FES: variants seen among roughly 807,000 people sequenced by gnomAD.
FES encodes tyrosine-protein kinase Fes/Fps.
A neutral mutation model predicts 109.6 loss-of-function variants in FES; 83 were observed. The observed-to-expected ratio is 0.76, with a 90% CI of 0.63 to 0.91. The LOEUF (loss-of-function observed/expected upper bound fraction) is 0.91. Among genes scored for constraint, FES ranks in the 40% least tolerant of loss-of-function variants. The pLI is 0.00. For missense variants in FES, 943 were observed against 1,070.9 expected, an observed-to-expected ratio of 0.88 and a Z score of 1.67; for synonymous variants, 458 against 442.1, an observed-to-expected ratio of 1.04 and a Z score of -0.45.
At chr15:90,890,578 A>G in intron 10 of FES, 94 bp downstream of exon 10, 1 of 1,156,528 alleles carries the variant, frequency 8.6e-7, no homozygotes, top group East Asian at 2.5e-5. Context: ...GGCTGCTTGT[A>G]TTGGGAAGTT....
At position 90,889,611 on chromosome 15, in the gene FES, C is replaced by T. The variant is rs2033000213; in HGVS notation, c.901C>T (p.Leu301=). 1 of 1,613,510 alleles carries T rather than the reference C, an allele frequency of 6.2e-7. No individual in the cohort carries two copies. The change falls in exon 7 of 19, where the codon CTG becomes TTG. Residue 301 remains leucine, a synonymous_variant. Transcript: ENST00000328850. The surrounding 1 kb of genome is among the most constrained non-coding windows in gnomAD (Gnocchi z 6.1). ...GCCTGGGGAGCTCCAGCTGAACGAG[C>T]TGACTGTGGAGAGCGTGCAGCACAC... ...LEPGELQLNE[L]TVESVQHTLT...
chr15:90,887,013 G>T lies in FES; in HGVS notation c.440G>T (p.Arg147Leu), dbSNP rs905647604. Residue 147 changes from arginine (R) to leucine (L), a missense_variant, in exon 4 of 19, where the codon CGG becomes CTG. By Grantham distance (102) the Arg-to-Leu change is moderately radical (BLOSUM62 -2). Transcript: ENST00000328850. ...KLKSQYRALA[R>L]DSAQAKRKYQ... ...AAGAGCCAGTACCGAGCTCTGGCAC[G>T]GGACAGTGCCCAAGCCAAGCGCAAG... is the stretch of plus-strand genomic sequence containing the variant. 1.9e-6 allele frequency: 3 copies of T among 1,614,142 alleles called. No homozygotes were observed. Among genetic ancestry groups the T allele is most frequent in the Non-Finnish European group, 2.5e-6 (3 of 1,180,036 alleles).
In FES at chr15:90,892,074, A is replaced by C; in HGVS notation, c.1670A>C (p.Asn557Thr). The C allele has an allele frequency of 6.2e-7, 1 of 1,614,112 alleles. No homozygotes were observed. Among genetic ancestry groups the C allele is most frequent in the Non-Finnish European group, 8.5e-7 (1 of 1,179,980 alleles). The part of the protein sequence containing the change: ...RAVPKDKWVL[N>T]HEDLVLGEQI... Reference sequence around the variant, plus strand: ...CTTCCCCAGGACAAGTGGGTGCTGAACCATGAGGACCTGGTGTTGGGTGAG... The same window carrying C: ...CTTCCCCAGGACAAGTGGGTGCTGACCCATGAGGACCTGGTGTTGGGTGAG... Residue 557 changes from asparagine (N) to threonine (T), a missense_variant, in exon 13 of 19, where the codon AAC (asparagine) becomes ACC (threonine). Transcript: ENST00000328850.
intron 8 of FES, 47 bp downstream of exon 8, chr15:90,890,009 C>A: frequency 3.8e-6 from 6 of 1,598,136 alleles, no homozygotes; most frequent in Non-Finnish European, 5.1e-6. Flanking sequence ...TCCCTCCCTC[C>A]TACCTACCCT....
At chr15:90,886,598 T>G (rs913727482) in intron 3 of FES, among the ~76,000 whole-genome samples, 9 of 152,170 alleles carry the variant, frequency 5.9e-5, no homozygotes, top group African/African-American at 2.2e-4. Flanking sequence ...TGTTAAAAGA[T>G]TGCTAGGAAT....
Position 90,890,297 on chromosome 15 carries a change from G to C in FES, c.1236+19G>C. On this transcript the variant is annotated intron_variant, in intron 9 of 18. Coordinates refer to ENST00000328850, the MANE Select transcript of FES (RefSeq NM_002005.4). ...GTCCTCGGTGAGCTGCCCCATCCGC[G>C]GCCGCTGCCCGCCACCGGCCTGCCC... The C allele has an allele frequency of 8.8e-6, 14 of 1,587,014 alleles. No individual in the cohort carries two copies. Among genetic ancestry groups the C allele is most frequent in the Non-Finnish European group, 1.2e-5 (14 of 1,168,452 alleles).
chr15:90,891,630 C>A lies in FES; in HGVS notation c.1607C>A (p.Pro536His). Reference protein sequence around the residue: ...LIDHLLSTQQPLTKKSGVVLH... With the variant: ...LIDHLLSTQQHLTKKSGVVLH... ...GACCACCTACTGAGCACCCAGCAGC[C>A]CCTCACCAAGAAGAGTGGTGTTGTC... The change falls in exon 12 of 19, where the codon CCC becomes CAC. Residue 536 changes from proline (P) to histidine (H), a missense_variant. Pro to His is a moderately conservative substitution (Grantham distance 77). Coordinates refer to ENST00000328850, the MANE Select transcript of FES (RefSeq NM_002005.4). 6.2e-7 allele frequency: 1 copy of A among 1,614,038 alleles called. No homozygotes were observed. The highest frequency in any genetic ancestry group is 8.5e-7 in the Non-Finnish European group (1 of 1,180,014).
rs761947938 is a variant in FES at position 90,890,091 on chromosome 15, G to A, written c.1050-1G>A. 1.3e-6 allele frequency: 2 copies of A among 1,511,590 alleles called. No homozygotes were observed. Among genetic ancestry groups the A allele is most frequent in the African/African-American group, 1.4e-5 (1 of 72,582 alleles). 93.6% of individuals were successfully genotyped at this position (1,511,590 alleles called of 1,614,324 possible). ...ACCCTCCCACCCGCCCCTGCCTGCAGGGTGCAGCTGCTGGGCAAGAGGCAA... is the reference window on the plus strand; with the variant it reads ...ACCCTCCCACCCGCCCCTGCCTGCAAGGTGCAGCTGCTGGGCAAGAGGCAA... On this transcript the variant is annotated splice_acceptor_variant, in intron 8 of 18. Coordinates refer to ENST00000328850, the MANE Select transcript of FES (RefSeq NM_002005.4). LOFTEE classifies it high-confidence loss of function.
rs762213064 is a variant in FES at position 90,891,564 on chromosome 15, G to A, written c.1541G>A (p.Arg514Gln). The stretch of plus-strand genomic sequence containing the variant: ...TCCCCTGCCCTGCAGAACCTGTACC[G>A]ACTGGAAGGGGAAGGCTTTCCTAGC... ...FIIQSLDNLY[R>Q]LEGEGFPSIP... is the part of the protein sequence containing the mutation. The change falls in exon 12 of 19, where the codon CGA becomes CAA. Residue 514 changes from arginine (R) to glutamine (Q), a missense_variant. Physicochemically the swap from Arg to Gln is conservative, Grantham distance 43. Transcript: ENST00000328850. 3.1e-6 allele frequency: 5 copies of A among 1,613,724 alleles called. 1 individual carries two copies. In the South Asian group the frequency reaches 3.3e-5, roughly 11 times the overall value.
intron 18 of FES, among the ~76,000 whole-genome samples, chr15:90,894,922 C>T (rs1366057762): frequency 6.6e-6 from 1 of 151,986 alleles, no homozygotes; most frequent in African/African-American, 2.4e-5. Flanking sequence ...AAAAAATTAG[C>T]GAGGTGTAGT....
chr15:90,895,310 A>G (rs1488826288), intron 18 of FES, 106 bp from the exon 19 acceptor site: 3 of 1,006,020 alleles, frequency 3.0e-6, no homozygotes, highest in African/African-American at 3.3e-5. Context: ...CATCCTTCAG[A>G]ACAGTGCATC....
Position 90,890,298 on chromosome 15 carries a change from G to C in FES, c.1236+20G>C, listed in dbSNP as rs1015118061. The C allele has an allele frequency of 6.3e-7, 1 of 1,586,236 alleles. No individual in the cohort carries two copies. The highest frequency in any genetic ancestry group is 1.3e-5 in the African/African-American group (1 of 74,620). ...TCCTCGGTGAGCTGCCCCATCCGCG[G>C]CCGCTGCCCGCCACCGGCCTGCCCA... On this transcript the variant is annotated intron_variant, in intron 9 of 18. Coordinates refer to ENST00000328850, the MANE Select transcript of FES (RefSeq NM_002005.4).
At position 90,890,228 on chromosome 15, in the gene FES, C is replaced by T. The variant is rs2033074920; in HGVS notation, c.1186C>T (p.Pro396Ser). Residue 396 changes from proline (P) to serine (S), a missense_variant, in exon 9 of 19, where the codon CCC (proline) becomes TCC (serine). By Grantham distance (74) the Pro-to-Ser change is moderately conservative. Transcript: ENST00000328850. The part of the protein sequence containing the change: ...TKLEHLGPGE[P>S]PPVLLLQDDR... ...GCTGGAGCACCTGGGCCCCGGCGAGCCCCCGCCTGTGCTGCTCCTGCAGGA... is the reference window on the plus strand; with the variant it reads ...GCTGGAGCACCTGGGCCCCGGCGAGTCCCCGCCTGTGCTGCTCCTGCAGGA... The T allele has an allele frequency of 1.2e-6, 2 of 1,600,168 alleles. No homozygotes were observed. Among genetic ancestry groups the T allele is most frequent in the East Asian group, 2.2e-5 (1 of 44,814 alleles).
At position 90,891,181 on chromosome 15, in the gene FES, AGTCCTTG is replaced by A; in HGVS notation, c.1522_1528del (p.Ser508IlefsTer22). 6.4e-7 allele frequency: 1 copy of A among 1,556,422 alleles called. No homozygotes were observed. Among genetic ancestry groups the A allele is most frequent in the Non-Finnish European group, 8.7e-7 (1 of 1,150,468 alleles). On this transcript the variant is annotated frameshift_variant, in exon 11 of 19. Transcript: ENST00000328850. LOFTEE classifies it high-confidence loss of function. ...GGTCTGCCCCGGCACTTCATCATCC[AGTCCTTG>A]GATGTGAGTGGGGCTGGGACCCGAG...
Position 90,889,814 on chromosome 15 carries a change from T to C in FES, c.927-26T>C. On this transcript the variant is annotated intron_variant, in intron 7 of 18. Coordinates refer to ENST00000328850, the MANE Select transcript of FES (RefSeq NM_002005.4). The surrounding 1 kb of genome is among the most constrained non-coding windows in gnomAD (Gnocchi z 6.1). ...TTGAGGGGGCAGGAGGGCTCGGTTC[T>C]AATGCTGCCCTTCTCTTGGGTGCAG... 1 of 1,613,362 alleles carries C rather than the reference T, an allele frequency of 6.2e-7. No individual in the cohort carries two copies. Among genetic ancestry groups the C allele is most frequent in the Non-Finnish European group, 8.5e-7 (1 of 1,179,782 alleles).
chr15:90,888,738 A>T (rs1271274770), intron 5 of FES, among the ~76,000 whole-genome samples: 1 of 149,162 alleles, frequency 6.7e-6, no homozygotes, highest in Non-Finnish European at 1.5e-5. Flanking sequence ...GGAGACAAGG[A>T]TAGCAGTTCA....
chr15:90,892,175 C>T, intron 13 of FES, 64 bp downstream of exon 13: 1 of 1,589,432 alleles, frequency 6.3e-7, no homozygotes, highest in African/African-American at 1.3e-5. Context: ...CCTGGGCCCC[C>T]TGCCCTACCA....
intron 14 of FES, 72 bp from the exon 15 acceptor site, chr15:90,893,028 C>A (rs2033375356): frequency 3.3e-6 from 5 of 1,534,446 alleles, no homozygotes; most frequent in Non-Finnish European, 4.4e-6. Context: ...CCAAGCTCTT[C>A]TCCCATCATC....
Position 90,890,997 on chromosome 15 carries a change from C to A in FES, c.1336C>A (p.Gln446Lys). The A allele has an allele frequency of 6.3e-7, 1 of 1,588,460 alleles. No individual in the cohort carries two copies. The change falls in exon 11 of 19, where the codon CAG becomes AAG. Residue 446 changes from glutamine to lysine, a missense_variant. By Grantham distance (53) the Gln-to-Lys change is moderately conservative (BLOSUM62 1). Transcript: ENST00000328850. Reference protein sequence around the residue: ...RPKFSLPPPLQLIPEVQKPLH... With the variant: ...RPKFSLPPPLKLIPEVQKPLH... ...CCTTGCCCAGCTCCCTCCACCGCTG[C>A]AGCTCATTCCGGAGGTGCAGAAGCC... is the stretch of plus-strand genomic sequence containing the variant.
Sources: gnomAD v4.1 joint callset for allele counts (sites outside exome capture counted in the v4.1 genomes callset) on GRCh38, gnomAD v4.1.1 for gene constraint, Gnocchi (gnomAD v3.1) non-coding constraint, MANE v1.5 for transcripts, NCBI Gene and HGNC (gene_info 2026-07-23, HGNC 2026-07-21) for gene names.